RPTOR: variants seen among roughly 807,000 people sequenced by gnomAD.
RPTOR encodes regulatory associated protein of MTOR complex 1.
A neutral mutation model predicts 169.9 loss-of-function variants in RPTOR; 21 were observed. The ratio of observed to expected loss-of-function variants is 0.12; its 90% CI spans 0.09 to 0.18. The LOEUF is 0.18. Among genes scored for constraint, RPTOR ranks in the 10% least tolerant of loss-of-function variants. The pLI, the probability that RPTOR is intolerant of heterozygous loss-of-function variation, is 1.00. For synonymous variants in RPTOR, 732 were observed against 753.2 expected, an observed-to-expected ratio of 0.97 and a Z score of 0.46; for missense variants, 1,133 against 1,855.9, an observed-to-expected ratio of 0.61 and a Z score of 7.16.
Position 80,754,026 on chromosome 17 carries a change from C to G in RPTOR, c.671C>G (p.Pro224Arg), listed in dbSNP as rs759439718. 4 of 1,613,528 alleles carry G rather than the reference C, an allele frequency of 2.5e-6. No homozygotes were observed. Among genetic ancestry groups the G allele is most frequent in the Non-Finnish European group, 3.4e-6 (4 of 1,179,622 alleles). Residue 224 changes from proline to arginine, a missense_variant, in exon 6 of 34, where the codon CCA becomes CGA. Around this residue, in one of 9 missense-constraint regions of RPTOR, gnomAD observed 35 missense variants for 31.8 expected, o/e 1.10. Coordinates refer to ENST00000306801, the MANE Select transcript of RPTOR (RefSeq NM_020761.3). This position sits in a 1 kb window ranked among gnomAD's most constrained non-coding sequence, Gnocchi z 4.2. The stretch of plus-strand genomic sequence containing the variant: ...GCCCTTCAGGTAGCTGCAATCAACC[C>G]AAATCACCCTCTTGCTCAGATGCCT... The part of the protein sequence containing the change: ...EQELEVAAIN[P>R]NHPLAQMPLP...
intron 3 of RPTOR, among the ~76,000 whole-genome samples, chr17:80,692,282 A>ATGTT (rs1365287047): frequency 6.8e-5 from 1 of 14,668 alleles, no homozygotes; most frequent in African/African-American, 1.5e-4. Flanking sequence ...TGGCTACGTT[A>ATGTT]TGTTATGTTA....
Position 80,552,918 on chromosome 17 carries a change from C to G in RPTOR, c.162+7127C>G, listed in dbSNP as rs74003972. ...AGCAGACCAGCAGACCAACATTCAG[C>G]AGACAGAGAAGGATGCTCAGTCTGC... On this transcript the variant is annotated intron_variant, in intron 1 of 33. Coordinates refer to ENST00000306801, the MANE Select transcript of RPTOR (RefSeq NM_020761.3). 8.8e-4 allele frequency among the ~76,000 whole-genome samples: 134 copies of G among 152,320 alleles called. 2 individuals are homozygous for G. Among genetic ancestry groups the G allele is most frequent in the African/African-American group, 3.0e-3 (124 of 41,566 alleles).
intron 6 of RPTOR, chr17:80,774,135 G>A (rs2066870736): frequency 1.0e-6 from 1 of 985,340 alleles, no homozygotes; most frequent in Non-Finnish European, 1.2e-6. Flanking sequence ...GGTGTGACTC[G>A]AGGGCGCTGT....
intron 1 of RPTOR, among the ~76,000 whole-genome samples, chr17:80,571,732 G>C (rs2064908750): frequency 1.3e-5 from 2 of 152,098 alleles, no homozygotes; most frequent in African/African-American, 4.8e-5. Context: ...TGTTGTCCAG[G>C]CTCCTCTCAA....
intron 4 of RPTOR, among the ~76,000 whole-genome samples, chr17:80,722,762 A>G (rs1015604136): frequency 1.3e-5 from 2 of 151,396 alleles, no homozygotes; most frequent in South Asian, 2.1e-4. Flanking sequence ...AACCTCTTAC[A>G]TGACCTCAGC....
chr17:80,739,173 G>A (rs1327891928), intron 5 of RPTOR, among the ~76,000 whole-genome samples: 3 of 106,202 alleles, frequency 2.8e-5, no homozygotes, highest in East Asian at 4.8e-4. Flanking sequence ...CGAGGGGCTC[G>A]CCCCGCCCCG....
chr17:80,891,898 G>A (rs895577069), intron 18 of RPTOR, 61 bp downstream of exon 18: 19 of 1,207,624 alleles, frequency 1.6e-5, no homozygotes, highest in South Asian at 8.9e-5. Flanking sequence ...AGTGCAGGCC[G>A]CGGCCCAGTC....
chr17:80,735,548 CG>C (rs1409549549), intron 5 of RPTOR, among the ~76,000 whole-genome samples: 1 of 152,276 alleles, frequency 6.6e-6, no homozygotes, highest in African/African-American at 2.4e-5. Context: ...AAGTCTTGTC[CG>C]TCAGTTTCTT....
chr17:80,758,827 A>G (rs1414917606), intron 6 of RPTOR, among the ~76,000 whole-genome samples: 1 of 151,918 alleles, frequency 6.6e-6, no homozygotes, highest in Non-Finnish European at 1.5e-5. Flanking sequence ...GCATTTTTGC[A>G]AGTTTTCAGG....
In RPTOR at chr17:80,960,700, G is replaced by T. The variant is rs2069325633; in HGVS notation, c.3605+495G>T. ...CAGGTGCTGTCCGCGTCTGGCAGAG[G>T]ACAGGGTACACGCATGGGCACAGCA... On this transcript the variant is annotated intron_variant, in intron 30 of 33. Coordinates refer to ENST00000306801, the MANE Select transcript of RPTOR (RefSeq NM_020761.3). This position sits in a 1 kb window ranked among gnomAD's most constrained non-coding sequence, Gnocchi z 4.8. The T allele has an allele frequency of 5.1e-6, 1 of 196,726 alleles. No individual in the cohort carries two copies. Among genetic ancestry groups the T allele is most frequent in the African/African-American group, 2.3e-5 (1 of 43,656 alleles). 12.2% of individuals were successfully genotyped at this position (196,726 alleles called of 1,614,324 possible). A position where few individuals can be genotyped will look rare whatever the true frequency, so the allele number is the denominator to read the frequency against.
At chr17:80,765,444 T>C (rs1221960907) in intron 6 of RPTOR, among the ~76,000 whole-genome samples, 1 of 152,192 alleles carries the variant, frequency 6.6e-6, no homozygotes, top group Non-Finnish European at 1.5e-5. Flanking sequence ...TTGGTTGACA[T>C]TTTACAGTTA....
intron 6 of RPTOR, among the ~76,000 whole-genome samples, chr17:80,784,020 A>C (rs1567909551): frequency 6.6e-6 from 1 of 152,230 alleles, no homozygotes. Flanking sequence ...ACTGTCACCC[A>C]GGCTAGAGTG....
intron 21 of RPTOR, among the ~76,000 whole-genome samples, chr17:80,918,510 T>TCGCGGGAGTCATAGCCAC: frequency 9.8e-6 from 1 of 102,042 alleles, no homozygotes; most frequent in African/African-American, 4.7e-5. Context: ...GTCATAGCCA[T>TCGCGGGAGTCATAGCCAC]GAGCACCCTC....
chr17:80,638,411 CTTTTTTTTT>C (rs11399351), intron 2 of RPTOR, among the ~76,000 whole-genome samples: 1 of 126,292 alleles, frequency 7.9e-6, no homozygotes, highest in African/African-American at 3.1e-5. Flanking sequence ...TTCTTCCTTT[CTTTTTTTTT>C]TTTTTTTTTG....
chr17:80,793,536 G>C (rs946150444), intron 7 of RPTOR, among the ~76,000 whole-genome samples: 1 of 152,150 alleles, frequency 6.6e-6, no homozygotes, highest in Non-Finnish European at 1.5e-5. Context: ...GGTAGCAGGA[G>C]CCCAAGCCTT....
At chr17:80,568,395 T>G (rs755700526) in intron 1 of RPTOR, among the ~76,000 whole-genome samples, 1 of 152,228 alleles carries the variant, frequency 6.6e-6, no homozygotes, top group Non-Finnish European at 1.5e-5. Flanking sequence ...TTTAAGGATG[T>G]TCTGTTGTCT....
chr17:80,940,773 CT>C (rs2069015673), intron 25 of RPTOR, among the ~76,000 whole-genome samples, 172 bp downstream of exon 25: 2 of 151,794 alleles, frequency 1.3e-5, no homozygotes, highest in Admixed American at 6.6e-5. Flanking sequence ...CACATCAAGG[CT>C]GGTGGAGATG....
At chr17:80,897,178 G>A (rs2068417139) in intron 20 of RPTOR, among the ~76,000 whole-genome samples, 1 of 151,630 alleles carries the variant, frequency 6.6e-6, no homozygotes, top group Non-Finnish European at 1.5e-5. Flanking sequence ...GAACCGGGGA[G>A]GCGGAGGTTG....
intron 14 of RPTOR, among the ~76,000 whole-genome samples, chr17:80,882,446 C>T (rs371869758): frequency 6.6e-6 from 1 of 152,198 alleles, no homozygotes; most frequent in Non-Finnish European, 1.5e-5. Context: ...GAGACAGCAC[C>T]GGCCCCAACA....
Sources: allele counts gnomAD v4.1 joint callset (sites outside exome capture counted in the v4.1 genomes callset), GRCh38; gene constraint gnomAD v4.1.1; regional missense constraint gnomAD v4.1.1; non-coding constraint Gnocchi (gnomAD v3.1); transcripts MANE v1.5; gene names NCBI Gene and HGNC (gene_info 2026-07-23, HGNC 2026-07-21).